The following PTPRN2 variants were observed in gnomAD, a reference collection of about 807,000 sequenced individuals.
The protein encoded by PTPRN2 is protein tyrosine phosphatase receptor type N2, also known as receptor-type tyrosine-protein phosphatase N2.
A neutral mutation model predicts 118.8 loss-of-function variants in PTPRN2; 74 were observed. The ratio of observed to expected loss-of-function variants is 0.62; its 90% CI spans 0.52 to 0.76. The LOEUF is 0.76. Among genes scored for constraint, PTPRN2 ranks in the 30% least tolerant of loss-of-function variants. The pLI is 0.00. For synonymous variants in PTPRN2, 641 were observed against 608.0 expected, an observed-to-expected ratio of 1.05 and a Z score of -0.80; for missense variants, 1,481 against 1,394.4, an observed-to-expected ratio of 1.06 and a Z score of -0.99.
chr7:157,568,256 G>C (rs1031332683), intron 21 of PTPRN2, among the ~76,000 whole-genome samples: 1 of 152,162 alleles, frequency 6.6e-6, no homozygotes, highest in African/African-American at 2.4e-5. Context: ...GTCTGCGCAT[G>C]CTGCCGCTCT....
intron 3 of PTPRN2, among the ~76,000 whole-genome samples, chr7:158,270,616 G>C (rs1305376293): frequency 6.6e-6 from 1 of 151,998 alleles, no homozygotes; most frequent in Non-Finnish European, 1.5e-5. Flanking sequence ...CAGTAATAAG[G>C]GAAGGTTTCG....
chr7:157,693,491 C>T (rs1170551137), intron 12 of PTPRN2, among the ~76,000 whole-genome samples: 2 of 152,114 alleles, frequency 1.3e-5, no homozygotes, highest in East Asian at 1.9e-4. Flanking sequence ...ATCCTGCCCT[C>T]GCTGCCCCGA....
At chr7:157,682,063 A>G (rs2150807435) in intron 13 of PTPRN2, among the ~76,000 whole-genome samples, 1 of 152,362 alleles carries the variant, frequency 6.6e-6, no homozygotes, top group South Asian at 2.1e-4. Context: ...TCATTACAGG[A>G]CAATACTAAA....
chr7:158,257,598 G>T (rs562237768), intron 3 of PTPRN2, among the ~76,000 whole-genome samples: 1 of 152,164 alleles, frequency 6.6e-6, no homozygotes, highest in African/African-American at 2.4e-5. Context: ...GTGAGCAAGC[G>T]TGCAGCAGCG....
At chr7:157,912,728 T>C (rs1220227393) in intron 11 of PTPRN2, among the ~76,000 whole-genome samples, 1 of 152,154 alleles carries the variant, frequency 6.6e-6, no homozygotes, top group Non-Finnish European at 1.5e-5. Context: ...AATACCCCAT[T>C]TCCCCATCAA....
At chr7:157,983,802 G>A (rs1803501961) in intron 11 of PTPRN2, among the ~76,000 whole-genome samples, 1 of 152,230 alleles carries the variant, frequency 6.6e-6, no homozygotes, top group Non-Finnish European at 1.5e-5. Context: ...CTGTTAAGTG[G>A]AAATTGTCTG....
At chr7:158,416,774 C>T (rs1814690574) in intron 2 of PTPRN2, among the ~76,000 whole-genome samples, 7 of 152,146 alleles carry the variant, frequency 4.6e-5, no homozygotes, top group Admixed American at 3.9e-4. Context: ...GCAACTCATC[C>T]GCACACAGCA....
intron 2 of PTPRN2, among the ~76,000 whole-genome samples, chr7:158,384,445 AG>A (rs61449000): frequency 0.066 from 10,025 of 152,220 alleles, 1,137 homozygotes; most frequent in African/African-American, 0.23. Flanking sequence ...AGTGAAAGGT[AG>A]GCACTGACAG....
intron 14 of PTPRN2, among the ~76,000 whole-genome samples, chr7:157,642,487 G>A (rs1392852927): frequency 1.3e-5 from 2 of 152,208 alleles, no homozygotes; most frequent in African/African-American, 4.8e-5. Context: ...GGACAGACCA[G>A]ATGGAGGCGG....
intron 2 of PTPRN2, among the ~76,000 whole-genome samples, chr7:158,359,438 G>A (rs952650726): frequency 2.3e-4 from 35 of 152,108 alleles, no homozygotes; most frequent in African/African-American, 8.5e-4. Context: ...CAGGCACTCC[G>A]CTCGGCCAGC....
At chr7:158,412,710 T>A (rs1338359408) in intron 2 of PTPRN2, among the ~76,000 whole-genome samples, 46 of 55,362 alleles carry the variant, frequency 8.3e-4, no homozygotes, top group Admixed American at 9.4e-4. Flanking sequence ...CCTCCTCAGC[T>A]CCAGGGCCCA....
intron 3 of PTPRN2, among the ~76,000 whole-genome samples, chr7:158,212,694 C>A (rs1190919173): frequency 1.3e-5 from 2 of 152,146 alleles, no homozygotes; most frequent in Admixed American, 6.5e-5. Context: ...AGATACTCCT[C>A]ATCCACAATA....
intron 1 of PTPRN2, among the ~76,000 whole-genome samples, chr7:158,543,598 A>T (rs1265754866): frequency 6.6e-6 from 1 of 152,262 alleles, no homozygotes; most frequent in South Asian, 2.1e-4. Flanking sequence ...ACTTTGGGAC[A>T]TACAGATAAA....
chr7:158,415,721 A>G (rs1430292333), intron 2 of PTPRN2, among the ~76,000 whole-genome samples: 1 of 152,098 alleles, frequency 6.6e-6, no homozygotes, highest in Admixed American at 6.5e-5. Context: ...AAAGACCCTC[A>G]ATGAAGTATG....
At chr7:158,061,039 T>G (rs1810288945) in intron 11 of PTPRN2, among the ~76,000 whole-genome samples, 4 of 152,190 alleles carry the variant, frequency 2.6e-5, no homozygotes, top group Admixed American at 2.6e-4. Flanking sequence ...ATAAATCAGG[T>G]GGTTTAACTC....
In PTPRN2 at chr7:158,301,092, C is replaced by T. The variant is rs143286016; in HGVS notation, c.277+15727G>A. ...AAATCTTAATGTTTTTAGAATGATGCTGAATAGCAAATAAAAATCCCATGA... is the reference window on the plus strand; with the variant it reads ...AAATCTTAATGTTTTTAGAATGATGTTGAATAGCAAATAAAAATCCCATGA... On this transcript the variant is annotated intron_variant, in intron 3 of 22. Coordinates refer to ENST00000389418, the MANE Select transcript of PTPRN2 (RefSeq NM_002847.5). Among the ~76,000 whole-genome samples the T allele has an allele frequency of 2.9e-3, 449 of 152,278 alleles. 11 individuals are homozygous for T. The highest frequency in any genetic ancestry group is 0.02 in the Admixed American group (300 of 15,306).
chr7:158,461,684 G>A (rs1819002493), intron 2 of PTPRN2, among the ~76,000 whole-genome samples: 1 of 152,194 alleles, frequency 6.6e-6, no homozygotes, highest in Non-Finnish European at 1.5e-5. Flanking sequence ...CTACACGCGA[G>A]CATTTCCCGG....
At chr7:157,667,128 T>C (rs11764830) in intron 13 of PTPRN2, among the ~76,000 whole-genome samples, 7 of 90,048 alleles carry the variant, frequency 7.8e-5, no homozygotes, top group African/African-American at 2.1e-4. Flanking sequence ...GTGGGTGCAA[T>C]GAGTACACAG....
rs1795618816 is a variant in PTPRN2 at position 158,237,756 on chromosome 7, A to AC, written c.278-32484dup. Among the ~76,000 whole-genome samples, 2 of 9,044 alleles carry AC rather than the reference A, an allele frequency of 2.2e-4. 1 individual carries two copies. The highest frequency in any genetic ancestry group is 3.5e-4 in the Non-Finnish European group (2 of 5,796). The allele number at this position is 9,044 out of a possible 152,430, so 5.9% of individuals were successfully genotyped here. ...AGGTGTGTAGGGGCAACCCACCCCTACACTCTGCCACTTCGCCGCCACCCA... is the reference window on the plus strand; with the variant it reads ...AGGTGTGTAGGGGCAACCCACCCCTACCACTCTGCCACTTCGCCGCCACCCA... On this transcript the variant is annotated intron_variant, in intron 3 of 22. Transcript: ENST00000389418.
Sources: gnomAD v4.1 joint callset for allele counts (sites outside exome capture counted in the v4.1 genomes callset) on GRCh38, gnomAD v4.1.1 for gene constraint, MANE v1.5 for transcripts, NCBI Gene and HGNC (gene_info 2026-07-23, HGNC 2026-07-21) for gene names.